Variants in FRAS1 observed in about 807,000 individuals in gnomAD.
FRAS1 encodes the protein Fraser extracellular matrix complex subunit 1.
FRAS1 carries 290 observed loss-of-function variants against 435.2 expected under a neutral mutation model. The observed-to-expected ratio is 0.67, with a 90% CI of 0.61 to 0.73. FRAS1 has a LOEUF of 0.73. Ranked by LOEUF, FRAS1 falls within the 30% of genes least tolerant of loss-of-function variation. The pLI is 0.00. For missense variants in FRAS1, 4,860 were observed against 5,001.5 expected, an observed-to-expected ratio of 0.97 and a Z score of 0.85; for synonymous variants, 1,800 against 1,851.0, an observed-to-expected ratio of 0.97 and a Z score of 0.71.
chr4:78,162,348 G>A (rs753924805), intron 2 of FRAS1, among the ~76,000 whole-genome samples: 51 of 152,178 alleles, frequency 3.4e-4, no homozygotes, highest in Middle Eastern at 3.4e-3. Flanking sequence ...CTTGTTGTTC[G>A]GTCTCCCAAA....
chr4:78,377,130 T>G (rs1302820456), intron 26 of FRAS1, among the ~76,000 whole-genome samples: 2 of 152,198 alleles, frequency 1.3e-5, no homozygotes, highest in Non-Finnish European at 2.9e-5. Context: ...AAAACCTTTA[T>G]GGTGAGTAAA....
chr4:78,319,446 G>A (rs762856588), intron 18 of FRAS1: 45 of 456,610 alleles, frequency 9.9e-5, no homozygotes, highest in Non-Finnish European at 1.8e-4. Context: ...ATGACATCCT[G>A]AATAAATAAT....
At chr4:78,326,514 G>T (rs989146442) in intron 18 of FRAS1, among the ~76,000 whole-genome samples, 1 of 152,182 alleles carries the variant, frequency 6.6e-6, no homozygotes. Flanking sequence ...TACATTAAGT[G>T]CATATAGGAT....
At chr4:78,065,081 T>TATATATATATACACACACACAC (rs762909923) in intron 1 of FRAS1, among the ~76,000 whole-genome samples, 31 of 125,694 alleles carry the variant, frequency 2.5e-4, no homozygotes, top group Middle Eastern at 4.3e-3. Context: ...TATATATATA[T>TATATATATATACACACACACAC]ATACATACAC....
At position 78,537,899 on chromosome 4, in the gene FRAS1, T is replaced by C. The variant is rs539183994; in HGVS notation, c.11298+699T>C. 3.3e-5 allele frequency among the ~76,000 whole-genome samples: 5 copies of C among 151,192 alleles called. No homozygotes were observed. In the South Asian group the frequency reaches 6.3e-4, roughly 19 times the overall value. The stretch of plus-strand genomic sequence containing the variant: ...AGGTCAAGGATGCAGTGAGCCAAGA[T>C]TGCACCACTGCACTCCAGCCTGGGC... On this transcript the variant is annotated intron_variant, in intron 72 of 73. Transcript: ENST00000512123.
intron 17 of FRAS1, among the ~76,000 whole-genome samples, chr4:78,318,167 A>G (rs529756068): frequency 6.6e-6 from 1 of 152,342 alleles, no homozygotes; most frequent in South Asian, 2.1e-4. Flanking sequence ...AGCTGCAACA[A>G]CTGTTTCAGA....
intron 2 of FRAS1, among the ~76,000 whole-genome samples, chr4:78,221,358 A>G (rs945822150): frequency 2.0e-5 from 3 of 152,234 alleles, no homozygotes; most frequent in Non-Finnish European, 4.4e-5. Flanking sequence ...ACTTGATGGT[A>G]AACAACTTCT....
chr4:78,315,865 T>C, intron 16 of FRAS1, 131 bp downstream of exon 16: 2 of 1,012,842 alleles, frequency 2.0e-6, no homozygotes, highest in South Asian at 1.4e-5. Context: ...AGATAGCTTT[T>C]TTCATTATGA....
intron 69 of FRAS1, among the ~76,000 whole-genome samples, 197 bp from the exon 70 acceptor site, chr4:78,526,344 C>T (rs550769820): frequency 6.6e-6 from 1 of 152,200 alleles, no homozygotes; most frequent in African/African-American, 2.4e-5. Flanking sequence ...CTCTATTTAA[C>T]ACCTCTGGAT....
intron 14 of FRAS1, among the ~76,000 whole-genome samples, chr4:78,300,961 T>C (rs1728364704): frequency 6.6e-6 from 1 of 152,210 alleles, no homozygotes; most frequent in African/African-American, 2.4e-5. Flanking sequence ...AGAGCCCTTT[T>C]TAGCACTTAT....
chr4:78,386,460 T>C (rs1026579859), intron 28 of FRAS1, among the ~76,000 whole-genome samples: 1 of 152,292 alleles, frequency 6.6e-6, no homozygotes, highest in African/African-American at 2.4e-5. Context: ...TTTCCCACTA[T>C]GTAACTATTA....
At chr4:78,404,614 A>G (rs191791273) in intron 30 of FRAS1, among the ~76,000 whole-genome samples, 70 of 152,220 alleles carry the variant, frequency 4.6e-4, no homozygotes, top group African/African-American at 1.6e-3. Context: ...ATCTATCCCA[A>G]TAGGTGATTC....
At chr4:78,256,747 T>G (rs941860692) in intron 6 of FRAS1, among the ~76,000 whole-genome samples, 1 of 152,196 alleles carries the variant, frequency 6.6e-6, no homozygotes, top group African/African-American at 2.4e-5. Context: ...CTAATTAATA[T>G]GCAAGCAATT....
intron 47 of FRAS1, 120 bp downstream of exon 47, chr4:78,452,474 C>T (rs1719056209): frequency 1.3e-6 from 1 of 779,602 alleles, no homozygotes; most frequent in East Asian, 2.8e-5. Flanking sequence ...TATTTTCTGC[C>T]TCACTAATTT....
intron 2 of FRAS1, among the ~76,000 whole-genome samples, chr4:78,088,940 A>G (rs1428231863): frequency 6.6e-6 from 1 of 152,166 alleles, no homozygotes; most frequent in Non-Finnish European, 1.5e-5. Flanking sequence ...TATATACCCA[A>G]AGGATTATAA....
intron 2 of FRAS1, among the ~76,000 whole-genome samples, chr4:78,202,612 ACC>A (rs1358770027): frequency 6.6e-6 from 1 of 152,112 alleles, no homozygotes; most frequent in South Asian, 2.1e-4. Flanking sequence ...AATCTCATGA[ACC>A]CAGCAAGCAG....
intron 38 of FRAS1, among the ~76,000 whole-genome samples, chr4:78,437,238 T>G (rs1734464594): frequency 6.6e-6 from 1 of 152,216 alleles, no homozygotes; most frequent in Non-Finnish European, 1.5e-5. Flanking sequence ...TAGAAGTTAT[T>G]CATTCTAACT....
chr4:78,182,137 G>A, intron 2 of FRAS1: 3 of 885,862 alleles, frequency 3.4e-6, no homozygotes, highest in Middle Eastern at 3.6e-4. Context: ...CAAGATGGCC[G>A]GGCCAAGATG....
rs568096002 is a variant in FRAS1 at position 78,419,155 on chromosome 4, T to A, written c.4540+92T>A. On this transcript the variant is annotated intron_variant, in intron 33 of 73. Coordinates refer to ENST00000512123, the MANE Select transcript of FRAS1 (RefSeq NM_025074.7). Reference sequence around the variant, plus strand: ...ATCTCTGGAGTTTTGTCTGCTTGTATACATAGAGATATTTGTTGAGGTTTC... The same window carrying A: ...ATCTCTGGAGTTTTGTCTGCTTGTAAACATAGAGATATTTGTTGAGGTTTC... 237 of 651,010 alleles carry A rather than the reference T, an allele frequency of 3.6e-4. No individual in the cohort carries two copies. In the African/African-American group the frequency reaches 4.1e-3, roughly 11 times the overall value. The allele number at this position is 651,010 out of a possible 1,614,324, so 40.3% of individuals were successfully genotyped here. A position where few individuals can be genotyped will look rare whatever the true frequency, so the allele number is the denominator to read the frequency against.
Sources: gnomAD v4.1 joint callset for allele counts (sites outside exome capture counted in the v4.1 genomes callset) on GRCh38, gnomAD v4.1.1 for gene constraint, MANE v1.5 for transcripts, NCBI Gene and HGNC (gene_info 2026-07-23, HGNC 2026-07-21) for gene names.